The following NEBL variants were observed in gnomAD, a reference collection of about 807,000 sequenced individuals.
The protein encoded by NEBL is LIM and SH3 protein 2.
Under a neutral mutation model 140.2 loss-of-function variants are expected in NEBL, and 122 were observed. The ratio of observed to expected loss-of-function variants is 0.87; its 90% CI spans 0.75 to 1.01. The LOEUF (loss-of-function observed/expected upper bound fraction) is 1.01, where lower values mean the gene tolerates loss of function less well. Ranked by LOEUF, NEBL falls within the 50% of genes least tolerant of loss-of-function variation. NEBL has a pLI of 0.00. For missense variants in NEBL, 1,365 were observed against 1,231.3 expected, an observed-to-expected ratio of 1.11 and a Z score of -1.62; for synonymous variants, 436 against 398.9, an observed-to-expected ratio of 1.09 and a Z score of -1.11.
rs1337610393 is a variant in NEBL, at chr10:21,288,851, A to ATATATATAT, written n.182+3978_182+3979insATATATATA. Among the ~76,000 whole-genome samples, 84 of 32,124 alleles carry ATATATATAT rather than the reference A, an allele frequency of 2.6e-3. 2 individuals are homozygous for ATATATATAT. The highest frequency in any genetic ancestry group is 6.9e-3 in the East Asian group (3 of 432). The allele number at this position is 32,124 out of a possible 152,430, so 21.1% of individuals were successfully genotyped here. On this transcript the variant is annotated intron_variant and non_coding_transcript_variant, in intron 1 of 8. Coordinates refer to the NEBL transcript ENST00000675702. Reference sequence around the variant, plus strand: ...ATATATATATATATATATATATATAAAAATTTTTTTTTTTTGAGACGGAGT... The same window carrying ATATATATAT: ...ATATATATATATATATATATATATAATATATATATAAATTTTTTTTTTTTGAGACGGAGT...
chr10:21,274,374 C>T (rs751973387), intron 1 of NEBL, among the ~76,000 whole-genome samples: 7 of 152,196 alleles, frequency 4.6e-5, no homozygotes, highest in Non-Finnish European at 1.0e-4. Flanking sequence ...TCGATTAACA[C>T]ATATTTCCTA....
chr10:21,016,064 C>T (rs988057637), intron 3 of NEBL, among the ~76,000 whole-genome samples: 2 of 152,254 alleles, frequency 1.3e-5, no homozygotes, highest in Non-Finnish European at 2.9e-5. Context: ...GAATGGGCTG[C>T]TGCGGGCCCG....
chr10:20,875,027 C>T (rs1845348753), intron 5 of NEBL, among the ~76,000 whole-genome samples: 1 of 152,236 alleles, frequency 6.6e-6, no homozygotes, highest in Non-Finnish European at 1.5e-5. Context: ...GCATGAGTCA[C>T]TGCACCCAGC....
intron 2 of NEBL, among the ~76,000 whole-genome samples, chr10:21,164,692 G>C (rs925992217): frequency 2.0e-5 from 3 of 152,154 alleles, no homozygotes; most frequent in Admixed American, 1.3e-4. Flanking sequence ...TCCCTACAAT[G>C]ACTTAAAAGA....
In NEBL at chr10:21,246,106, T is replaced by C. The variant is rs140901970; in HGVS notation, n.348+1815A>G. 2.8e-3 allele frequency among the ~76,000 whole-genome samples: 424 copies of C among 152,352 alleles called. 1 individual carries two copies. The highest frequency in any genetic ancestry group is 8.9e-3 in the African/African-American group (369 of 41,588). The stretch of plus-strand genomic sequence containing the variant: ...GGAGGAGTGCGCTGTGTGACCTTGA[T>C]GCAGTTACTCTACAGACTTTTGATA... On this transcript the variant is annotated intron_variant and non_coding_transcript_variant, in intron 3 of 8. Coordinates refer to the NEBL transcript ENST00000675702.
At chr10:20,969,120 CA>C (rs1425453097) in intron 3 of NEBL, among the ~76,000 whole-genome samples, 1 of 151,928 alleles carries the variant, frequency 6.6e-6, no homozygotes, top group Non-Finnish European at 1.5e-5. Flanking sequence ...ATTAATCTCA[CA>C]ATGTTAGACG....
intron 27 of NEBL, among the ~76,000 whole-genome samples, chr10:20,786,134 A>C (rs1835385340): frequency 6.6e-6 from 1 of 152,212 alleles, no homozygotes; most frequent in East Asian, 1.9e-4. Context: ...ACAGGGATAG[A>C]AAAGTCACTA....
chr10:20,953,807 A>G (rs1035176633), intron 4 of NEBL, among the ~76,000 whole-genome samples: 4 of 152,094 alleles, frequency 2.6e-5, no homozygotes, highest in Non-Finnish European at 5.9e-5. Flanking sequence ...CAAGAAAAAG[A>G]ATGTACAAAA....
At chr10:21,065,106 T>C (rs4747432) in intron 2 of NEBL, among the ~76,000 whole-genome samples, 152,249 of 152,254 alleles carry the variant, frequency 1, 76,122 homozygotes, top group Middle Eastern at 1. Context: ...CTTGATAGCA[T>C]TGCAAAAAAA....
At chr10:20,868,597 T>C (rs1224942270) in intron 7 of NEBL, 67 bp downstream of exon 7, 1 of 1,063,324 alleles carries the variant, frequency 9.4e-7, no homozygotes, top group Non-Finnish European at 1.5e-6. Flanking sequence ...AAATGCAATA[T>C]TCTCCTGTGC....
chr10:21,116,906 A>G (rs1050606675), intron 2 of NEBL, among the ~76,000 whole-genome samples: 3 of 152,024 alleles, frequency 2.0e-5, no homozygotes, highest in Non-Finnish European at 2.9e-5. Flanking sequence ...TCCTGGGCTC[A>G]AGCAATCTTC....
chr10:20,908,382 T>C (rs929865375), intron 4 of NEBL, among the ~76,000 whole-genome samples: 1 of 152,214 alleles, frequency 6.6e-6, no homozygotes, highest in African/African-American at 2.4e-5. Context: ...CGGATGCTTA[T>C]ATAAAGGAAG....
intron 4 of NEBL, among the ~76,000 whole-genome samples, chr10:20,923,146 G>A (rs967140239): frequency 6.6e-6 from 1 of 152,040 alleles, no homozygotes. Flanking sequence ...ACGGCTCACT[G>A]CAGCCTTAAT....
chr10:21,047,378 G>T (rs1834568593), intron 2 of NEBL, among the ~76,000 whole-genome samples: 1 of 152,120 alleles, frequency 6.6e-6, no homozygotes, highest in African/African-American at 2.4e-5. Context: ...TACTTGATCA[G>T]GAGAATGGGA....
intron 3 of NEBL, among the ~76,000 whole-genome samples, chr10:21,185,838 T>C (rs1462550272): frequency 6.6e-6 from 1 of 152,182 alleles, no homozygotes; most frequent in Non-Finnish European, 1.5e-5. Context: ...GGCTCATGCA[T>C]TGCCTTCATA....
chr10:20,946,822 G>C (rs1052229386), intron 4 of NEBL, among the ~76,000 whole-genome samples: 2 of 152,188 alleles, frequency 1.3e-5, no homozygotes, highest in African/African-American at 4.8e-5. Context: ...AGGGATTCTA[G>C]ATGTGGAAAT....
At chr10:21,004,392 A>G (rs1360899615) in intron 3 of NEBL, among the ~76,000 whole-genome samples, 1 of 152,216 alleles carries the variant, frequency 6.6e-6, no homozygotes, top group Non-Finnish European at 1.5e-5. Flanking sequence ...ACGACGTTCT[A>G]TGGAACTGGT....
intron 3 of NEBL, among the ~76,000 whole-genome samples, chr10:20,965,666 C>T (rs771890844): frequency 6.6e-6 from 1 of 152,104 alleles, no homozygotes; most frequent in Non-Finnish European, 1.5e-5. Flanking sequence ...AGCGGTATGC[C>T]CTGACTTGTG....
chr10:21,039,465 A>G (rs1288535079), intron 2 of NEBL, among the ~76,000 whole-genome samples: 1 of 152,180 alleles, frequency 6.6e-6, no homozygotes, highest in Non-Finnish European at 1.5e-5. Flanking sequence ...TCCCAGCACC[A>G]TTTATTAAAC....
Sources: allele counts gnomAD v4.1 joint callset (sites outside exome capture counted in the v4.1 genomes callset), GRCh38; gene constraint gnomAD v4.1.1; transcripts MANE v1.5; gene names NCBI Gene and HGNC (gene_info 2026-07-23, HGNC 2026-07-21).